The following TICRR variants were observed in gnomAD, a reference collection of about 807,000 sequenced individuals.
TICRR encodes TOPBP1 interacting checkpoint and replication regulator.
In TICRR, 132 loss-of-function variants were observed where a neutral mutation model predicts 178.1. The ratio of observed to expected loss-of-function variants is 0.74; its 90% confidence interval spans 0.64 to 0.86. TICRR has a LOEUF of 0.86. Among genes scored for constraint, TICRR ranks in the 40% least tolerant of loss-of-function variants. The pLI is 0.00. For synonymous variants in TICRR, 991 were observed against 900.7 expected (o/e 1.10, Z -1.79); for missense variants, 2,587 against 2,334.3 (o/e 1.11, Z -2.23).
chr15:89,623,579 G>C, intron 19 of TICRR, 44 bp from the exon 20 acceptor site: 1 of 1,546,418 alleles, frequency 6.5e-7, no homozygotes. Context: ...CAGAGATCAT[G>C]AGTTATAATA....
Position 89,594,438 on chromosome 15 carries a change from A to C in TICRR, c.1565A>C (p.Asn522Thr). Residue 522 changes from asparagine to threonine, a missense_variant, in exon 6 of 22, where the codon AAT (asparagine) becomes ACT (threonine). Physicochemically the swap from Asn to Thr is moderately conservative, Grantham distance 65 (BLOSUM62 0). Coordinates refer to ENST00000268138, the MANE Select transcript of TICRR (RefSeq NM_152259.4). ...SFGLLQAASA[N>T]KEESSKTEGE... is the part of the protein sequence containing the mutation. Reference sequence around the variant, plus strand: ...AGGTTACTACAGGCTGCCTCAGCTAATAAGGAAGAGTCTTCCAAAACTGAA... The same window carrying C: ...AGGTTACTACAGGCTGCCTCAGCTACTAAGGAAGAGTCTTCCAAAACTGAA... 1 of 1,612,748 alleles carries C rather than the reference A, an allele frequency of 6.2e-7. No individual in the cohort carries two copies. Among genetic ancestry groups the C allele is most frequent in the Non-Finnish European group, 8.5e-7 (1 of 1,179,408 alleles).
intron 4 of TICRR, 35 bp downstream of exon 4, chr15:89,585,977 G>A (rs777898992): frequency 3.5e-5 from 55 of 1,579,296 alleles, no homozygotes; most frequent in Non-Finnish European, 4.6e-5. Context: ...CAGAGTCTAG[G>A]GTGGTTTGCA....
intron 16 of TICRR, among the ~76,000 whole-genome samples, chr15:89,617,834 G>T (rs2141977850): frequency 6.6e-6 from 1 of 152,180 alleles, no homozygotes. Flanking sequence ...TGGGACTACA[G>T]GCGCATGCCA....
chr15:89,617,294 A>G (rs1052012427), intron 16 of TICRR, among the ~76,000 whole-genome samples: 2 of 152,222 alleles, frequency 1.3e-5, no homozygotes, highest in Non-Finnish European at 2.9e-5. Flanking sequence ...AATTGCGAAA[A>G]GTGAAATTGG....
At position 89,588,754 on chromosome 15, in the gene TICRR, A is replaced by G. The variant is rs1962862611; in HGVS notation, c.1411+2812A>G. Reference sequence around the variant, plus strand: ...TCAAATGTGTGTATGGAAGTTATCCAGAGTTAAGACTGAGTAGTACTGGAG... The same window carrying G: ...TCAAATGTGTGTATGGAAGTTATCCGGAGTTAAGACTGAGTAGTACTGGAG... On this transcript the variant is annotated intron_variant, in intron 4 of 21. Transcript: ENST00000268138. 2.0e-5 allele frequency among the ~76,000 whole-genome samples: 3 copies of G among 152,262 alleles called. No individual in the cohort carries two copies. The South Asian group carries it at 6.2e-4, about 32-fold the overall frequency.
At chr15:89,582,412 G>T (rs1962744013) in intron 1 of TICRR, 6 of 365,416 alleles carry the variant, frequency 1.6e-5, no homozygotes, top group Middle Eastern at 7.6e-4. Context: ...AGTGATTTGT[G>T]TCACTTCTTT....
chr15:89,601,386 G>A lies in TICRR; in HGVS notation c.2242G>A (p.Glu748Lys). 1.2e-6 allele frequency: 2 copies of A among 1,614,030 alleles called. No homozygotes were observed. The highest frequency in any genetic ancestry group is 4.5e-5 in the East Asian group (2 of 44,874). The change falls in exon 10 of 22, where the codon GAG becomes AAG. Residue 748 changes from glutamate (E) to lysine (K), a missense_variant. Glu to Lys is a moderately conservative substitution (Grantham distance 56). Transcript: ENST00000268138. ...ESTDDMEQVV[E>K]EVTDLLRMVC... The stretch of plus-strand genomic sequence containing the variant: ...TACAGATGATATGGAACAAGTAGTG[G>A]AGGAGGCAAGTATATAGTTTCGTGC...
chr15:89,586,574 T>C (rs1055444534), intron 4 of TICRR, among the ~76,000 whole-genome samples: 12 of 151,930 alleles, frequency 7.9e-5, no homozygotes, highest in African/African-American at 2.9e-4. Context: ...GAGACAAAAA[T>C]TGTAGTAGTA....
chr15:89,618,132 T>A lies in TICRR; in HGVS notation c.2961-20T>A. ...ATTACAAGTGGTATGGAGTAATCCT[T>A]GTGCATGTGGTTCCTCGAGGTCCTC... On this transcript the variant is annotated intron_variant, in intron 16 of 21. Coordinates refer to ENST00000268138, the MANE Select transcript of TICRR (RefSeq NM_152259.4). The A allele has an allele frequency of 6.2e-7, 1 of 1,613,492 alleles. No homozygotes were observed. Among genetic ancestry groups the A allele is most frequent in the Non-Finnish European group, 8.5e-7 (1 of 1,179,420 alleles).
chr15:89,581,908 C>T (rs1391477771), intron 1 of TICRR, among the ~76,000 whole-genome samples: 1 of 152,142 alleles, frequency 6.6e-6, no homozygotes, highest in Admixed American at 6.5e-5. Context: ...CGGTTTGTCT[C>T]GTCTCTGCAC....
intron 2 of TICRR, among the ~76,000 whole-genome samples, chr15:89,583,701 G>T (rs897597116): frequency 6.6e-6 from 1 of 151,618 alleles, no homozygotes; most frequent in Non-Finnish European, 1.5e-5. Context: ...TTTGAGACAA[G>T]GTCTTGCTTT....
At chr15:89,594,039 T>C (rs1032364510) in intron 5 of TICRR, among the ~76,000 whole-genome samples, 4 of 152,212 alleles carry the variant, frequency 2.6e-5, no homozygotes, top group African/African-American at 9.7e-5. Flanking sequence ...TTGCAATACT[T>C]ACTACAATGT....
chr15:89,583,272 A>T (rs1962763257), intron 2 of TICRR, among the ~76,000 whole-genome samples: 1 of 152,246 alleles, frequency 6.6e-6, no homozygotes, highest in Non-Finnish European at 1.5e-5. Flanking sequence ...ATACGATTTC[A>T]TTGCCTCATA....
chr15:89,602,813 G>T lies in TICRR; in HGVS notation c.2585G>T (p.Arg862Ile). ...TTTAAAAGGAAAAATGCATTAATAA[G>T]ACATAAAAGCATTGCTGAGGTTTCA... ...AKKRRKNALI[R>I]HKSIAEVSQN... The change falls in exon 13 of 22, where the codon AGA becomes ATA. Residue 862 changes from arginine (R) to isoleucine (I), a missense_variant. Coordinates refer to ENST00000268138, the MANE Select transcript of TICRR (RefSeq NM_152259.4). 2 of 1,500,610 alleles carry T rather than the reference G, an allele frequency of 1.3e-6. No homozygotes were observed. Among genetic ancestry groups the T allele is most frequent in the Non-Finnish European group, 1.8e-6 (2 of 1,123,330 alleles). 93.0% of individuals were successfully genotyped at this position (1,500,610 alleles called of 1,614,324 possible).
intron 15 of TICRR, among the ~76,000 whole-genome samples, chr15:89,614,496 A>T (rs530032711): frequency 6.6e-6 from 1 of 151,862 alleles, no homozygotes; most frequent in African/African-American, 2.4e-5. Context: ...CTCCTGGCTA[A>T]TTTTTGTATT....
chr15:89,576,858 T>G (rs192068329), intron 1 of TICRR, among the ~76,000 whole-genome samples: 1 of 120,922 alleles, frequency 8.3e-6, no homozygotes, highest in Non-Finnish European at 1.7e-5. Context: ...TATATATATA[T>G]ATACACACAC....
chr15:89,579,380 CTG>C (rs748528680), intron 1 of TICRR, among the ~76,000 whole-genome samples: 4 of 152,158 alleles, frequency 2.6e-5, no homozygotes, highest in Non-Finnish European at 5.9e-5. Context: ...GAGTCTTGCT[CTG>C]TCGCCCAGGC....
chr15:89,600,631 A>T lies in TICRR; in HGVS notation c.2099A>T (p.Lys700Ile). 6.3e-7 allele frequency: 1 copy of T among 1,599,690 alleles called. No homozygotes were observed. The highest frequency in any genetic ancestry group is 8.5e-7 in the Non-Finnish European group (1 of 1,173,490). The change falls in exon 9 of 22, where the codon AAA becomes ATA. Residue 700 changes from lysine to isoleucine, a missense_variant. Transcript: ENST00000268138. ...QVKSSLLKTS[K>I]SLRQNLGKKL... Reference sequence around the variant, plus strand: ...AAAAGTAGTCTCTTAAAAACTAGTAAAAGTCTTCGACAGAATCTAGGAAAA... The same window carrying T: ...AAAAGTAGTCTCTTAAAAACTAGTATAAGTCTTCGACAGAATCTAGGAAAA...
chr15:89,588,355 G>A (rs767662600), intron 4 of TICRR, among the ~76,000 whole-genome samples: 18 of 152,326 alleles, frequency 1.2e-4, no homozygotes, highest in South Asian at 4.1e-4. Flanking sequence ...CAGCTGCAGA[G>A]TAGGCAGGGA....
Sources: allele counts gnomAD v4.1 joint callset (sites outside exome capture counted in the v4.1 genomes callset), GRCh38; gene constraint gnomAD v4.1.1; transcripts MANE v1.5; gene names NCBI Gene and HGNC (gene_info 2026-07-23, HGNC 2026-07-21).